RNF13: variants seen among roughly 807,000 people sequenced by gnomAD.
RNF13 encodes the protein ring finger protein 13.
A neutral mutation model predicts 37.7 loss-of-function variants in RNF13; 19 were observed. That is an observed-to-expected ratio of 0.50 (90% CI 0.35 to 0.74). RNF13 has a LOEUF of 0.74. RNF13 is among the 30% of genes least tolerant of loss of function. The pLI, the probability that RNF13 is intolerant of heterozygous loss-of-function variation, is 0.01. For missense variants in RNF13, 375 were observed against 453.0 expected (o/e 0.83, Z 1.56); for synonymous variants, 144 against 157.8 (o/e 0.91, Z 0.65).
At chr3:149,931,509 A>ATG (rs1425086169) in intron 8 of RNF13, among the ~76,000 whole-genome samples, 4 of 152,082 alleles carry the variant, frequency 2.6e-5, no homozygotes, top group African/African-American at 9.7e-5. Context: ...TAACATATAT[A>ATG]TATTCAGTGC....
chr3:149,924,888 T>C (rs1464254100), intron 8 of RNF13, among the ~76,000 whole-genome samples: 3 of 151,970 alleles, frequency 2.0e-5, no homozygotes, highest in South Asian at 4.2e-4. Flanking sequence ...CAAGAGGAGA[T>C]TGGATATCTT....
chr3:149,815,597 C>G (rs1277366586), intron 1 of RNF13, among the ~76,000 whole-genome samples: 1 of 152,090 alleles, frequency 6.6e-6, no homozygotes, highest in African/African-American at 2.4e-5. Context: ...AAGCGAATTC[C>G]TTTTAATAAA....
intron 1 of RNF13, among the ~76,000 whole-genome samples, chr3:149,819,435 A>G (rs1559885112): frequency 6.7e-6 from 1 of 150,282 alleles, no homozygotes; most frequent in Admixed American, 6.6e-5. Context: ...ATGGATCATA[A>G]TACTCACTTT....
chr3:149,865,340 ATATATATATATG>A (rs1724700928), intron 3 of RNF13, among the ~76,000 whole-genome samples: 1 of 148,044 alleles, frequency 6.8e-6, no homozygotes, highest in African/African-American at 2.5e-5. Context: ...ATATATATAT[ATATATATATATG>A]TATAAAACAG....
chr3:149,815,413 T>A (rs1264871795), intron 1 of RNF13, among the ~76,000 whole-genome samples: 1 of 152,222 alleles, frequency 6.6e-6, no homozygotes, highest in Non-Finnish European at 1.5e-5. Context: ...ACAATATTTT[T>A]AAATCTGGGA....
At chr3:149,938,745 C>T (rs1719958321) in intron 8 of RNF13, among the ~76,000 whole-genome samples, 1 of 152,048 alleles carries the variant, frequency 6.6e-6, no homozygotes, top group Non-Finnish European at 1.5e-5. Context: ...TGTCTGACCA[C>T]CACTACTACT....
chr3:149,878,674 T>A (rs1268424229), intron 4 of RNF13, among the ~76,000 whole-genome samples: 1 of 152,228 alleles, frequency 6.6e-6, no homozygotes, highest in East Asian at 1.9e-4. Flanking sequence ...AGATTCTACT[T>A]CTTAATTTCT....
rs1386043525 is a variant in RNF13, at chr3:149,853,837, T to C, written c.195+1241T>C. 3.4e-5 allele frequency among the ~76,000 whole-genome samples: 5 copies of C among 147,720 alleles called. No homozygotes were observed. The East Asian group carries it at 7.7e-4, about 23-fold the overall frequency. ...TTCTAATTTTCTTAAAATTTCTCTTTTTTTTTTTTTTTTTTTTAAGGTAGG... is the reference window on the plus strand; with the variant it reads ...TTCTAATTTTCTTAAAATTTCTCTTCTTTTTTTTTTTTTTTTTAAGGTAGG... On this transcript the variant is annotated intron_variant, in intron 3 of 9. Transcript: ENST00000392894.
At chr3:149,885,442 A>G (rs1713919072) in intron 4 of RNF13, among the ~76,000 whole-genome samples, 1 of 152,058 alleles carries the variant, frequency 6.6e-6, no homozygotes, top group African/African-American at 2.4e-5. Flanking sequence ...GTGAGATGAT[A>G]TCTCATTGTA....
At chr3:149,899,673 A>T (rs1195788845) in intron 5 of RNF13, among the ~76,000 whole-genome samples, 1 of 152,166 alleles carries the variant, frequency 6.6e-6, no homozygotes, top group East Asian at 1.9e-4. Flanking sequence ...AGTTAAAGTC[A>T]TGAGAAGTGG....
intron 8 of RNF13, among the ~76,000 whole-genome samples, chr3:149,949,521 CTTTAGA>C (rs1721107211): frequency 6.6e-6 from 1 of 151,510 alleles, no homozygotes; most frequent in South Asian, 2.1e-4. Context: ...CCTTAGATCC[CTTTAGA>C]TTTATTCTGG....
At chr3:149,866,829 A>G (rs1015377681) in intron 3 of RNF13, among the ~76,000 whole-genome samples, 1 of 151,990 alleles carries the variant, frequency 6.6e-6, no homozygotes, top group African/African-American at 2.4e-5. Flanking sequence ...TTTACTTGCC[A>G]TGTATTTGTG....
intron 1 of RNF13, among the ~76,000 whole-genome samples, chr3:149,841,300 C>CAACAA (rs1396849813): frequency 6.6e-6 from 1 of 152,114 alleles, no homozygotes; most frequent in East Asian, 1.9e-4. Flanking sequence ...TAAGTGAAAA[C>CAACAA]AACAAAACAA....
At chr3:149,909,976 G>A (rs751482600) in intron 6 of RNF13, among the ~76,000 whole-genome samples, 1 of 151,870 alleles carries the variant, frequency 6.6e-6, no homozygotes, top group Non-Finnish European at 1.5e-5. Context: ...GAATATGAGA[G>A]TTGTAAGCCT....
intron 1 of RNF13, among the ~76,000 whole-genome samples, chr3:149,840,688 C>T (rs924496502): frequency 6.6e-6 from 1 of 152,302 alleles, no homozygotes; most frequent in African/African-American, 2.4e-5. Context: ...AGATACCACA[C>T]TCACTGTCCA....
At chr3:149,949,268 A>G (rs1721075667) in intron 8 of RNF13, among the ~76,000 whole-genome samples, 2 of 152,084 alleles carry the variant, frequency 1.3e-5, no homozygotes, top group Admixed American at 1.3e-4. Flanking sequence ...GAAAGTCTTA[A>G]TTTCTGTTTT....
chr3:149,830,816 C>G lies in RNF13; in HGVS notation c.-16-15195C>G, dbSNP rs371201777. On this transcript the variant is annotated intron_variant, in intron 1 of 9. Transcript: ENST00000392894. ...CTTCATGGCAGCCCCTCCTATCACA[C>G]GCCCAGAGGCCTAGGAGGAAAAAAT... 1.7e-3 allele frequency among the ~76,000 whole-genome samples: 251 copies of G among 151,974 alleles called. 1 individual carries two copies. Among genetic ancestry groups the G allele is most frequent in the African/African-American group, 2.7e-3 (114 of 41,474 alleles).
rs113665308 is a variant in RNF13 at position 149,955,951 on chromosome 3, A to G, written c.701-4105A>G. Among the ~76,000 whole-genome samples the G allele has an allele frequency of 6.5e-3, 993 of 152,176 alleles. 4 individuals are homozygous for G. Among genetic ancestry groups the G allele is most frequent in the Non-Finnish European group, 0.01 (684 of 67,990 alleles). ...CTTTCTAAATTTAATTTTATGTCCA[A>G]ATGTTTTTGTTACAGCCTGGCCAAA... On this transcript the variant is annotated intron_variant, in intron 8 of 9. Coordinates refer to ENST00000392894, the MANE Select transcript of RNF13 (RefSeq NM_183381.3).
At chr3:149,900,109 T>C (rs1576845503) in intron 5 of RNF13, among the ~76,000 whole-genome samples, 1 of 152,356 alleles carries the variant, frequency 6.6e-6, no homozygotes, top group Non-Finnish European at 1.5e-5. Flanking sequence ...TACTCATATT[T>C]GCTTACAATA....
Sources: gnomAD v4.1 joint callset for allele counts (sites outside exome capture counted in the v4.1 genomes callset) on GRCh38, gnomAD v4.1.1 for gene constraint, MANE v1.5 for transcripts, NCBI Gene and HGNC (gene_info 2026-07-23, HGNC 2026-07-21) for gene names.